NBPF12: variants seen among roughly 807,000 people sequenced by gnomAD.
NBPF12 encodes the protein NBPF member 12, also known as NBPF family member NBPF12.
Under a neutral mutation model 146.4 loss-of-function variants are expected in NBPF12, and 115 were observed. That is an observed-to-expected ratio of 0.79 (90% CI 0.68 to 0.92). NBPF12 has a LOEUF of 0.92. NBPF12 is among the 40% of genes least tolerant of loss of function. The pLI is 0.00. For synonymous variants in NBPF12, 385 were observed against 508.9 expected (o/e 0.76, Z 3.28); for missense variants, 1,205 against 1,326.8 (o/e 0.91, Z 1.43).
At position 146,985,480 on chromosome 1, in the gene NBPF12, G is replaced by A. The variant is rs1657696286; in HGVS notation, c.2840-225G>A. ...GCACAAACTTGGGAGAAATGATATT[G>A]GGATAACGATCTACCAGAATAGGGA... On this transcript the variant is annotated intron_variant, in intron 22 of 33. Transcript: ENST00000617844. 2.0e-5 allele frequency among the ~76,000 whole-genome samples: 3 copies of A among 151,960 alleles called. No individual in the cohort carries two copies. In the South Asian group the frequency reaches 6.3e-4, roughly 32 times the overall value.
At chr1:146,952,363 C>A (rs1244870157) in intron 2 of NBPF12, among the ~76,000 whole-genome samples, 1 of 152,074 alleles carries the variant, frequency 6.6e-6, no homozygotes, top group Non-Finnish European at 1.5e-5. Context: ...TCTCTTGCAT[C>A]GTCCCTCAGC....
exon 34 of NBPF12, chr1:146,994,480 A>C (rs1553890080): frequency 6.2e-7 from 1 of 1,607,544 alleles, no homozygotes; most frequent in East Asian, 2.2e-5. Flanking sequence ...GGAACAGCAC[A>C]TCACCTTTGC....
At chr1:146,954,843 C>A (rs1293900292) in intron 2 of NBPF12, among the ~76,000 whole-genome samples, 14 of 146,646 alleles carry the variant, frequency 9.5e-5, no homozygotes, top group South Asian at 4.3e-4. Flanking sequence ...ACATGTATGT[C>A]TAATTGATTC....
Position 146,961,537 on chromosome 1 carries a change from A to T in NBPF12, c.176-624A>T, listed in dbSNP as rs1270084705. Among the ~76,000 whole-genome samples, 37 of 152,050 alleles carry T rather than the reference A, an allele frequency of 2.4e-4. 1 individual carries two copies. In the East Asian group the frequency reaches 3.1e-3, roughly 13 times the overall value. On this transcript the variant is annotated intron_variant, in intron 4 of 33. Transcript: ENST00000617844. ...CTAAATTAACACAAACTAATCTTAT[A>T]CTGTTTCTAAATTAACACAACTAAT... is the stretch of plus-strand genomic sequence containing the variant.
At chr1:146,976,272 C>G (rs1440086022) in intron 16 of NBPF12, among the ~76,000 whole-genome samples, 3 of 151,054 alleles carry the variant, frequency 2.0e-5, no homozygotes, top group African/African-American at 7.4e-5. Flanking sequence ...GAGTGAATGA[C>G]TTGTCCTTCC....
chr1:146,963,384 T>A, intron 6 of NBPF12, 75 bp downstream of exon 9: 1 of 1,593,576 alleles, frequency 6.3e-7, no homozygotes, highest in Non-Finnish European at 8.6e-7. Context: ...ACTTTCATGA[T>A]GACAGTTGTA....
intron 16 of NBPF12, among the ~76,000 whole-genome samples, chr1:146,976,597 C>T (rs1455626109): frequency 3.3e-5 from 5 of 149,332 alleles, no homozygotes; most frequent in African/African-American, 1.3e-4. Flanking sequence ...TGTGACAGGA[C>T]ACCAAGCCTG....
chr1:146,940,909 G>T (rs1654769728), intron 1 of NBPF12, among the ~76,000 whole-genome samples: 1 of 151,874 alleles, frequency 6.6e-6, no homozygotes, highest in Admixed American at 6.6e-5. Context: ...CTTTCATGAA[G>T]TGCCTGTTAA....
At chr1:146,978,064 C>G (rs1219643286) in intron 18 of NBPF12, among the ~76,000 whole-genome samples, 2 of 151,518 alleles carry the variant, frequency 1.3e-5, no homozygotes, top group Non-Finnish European at 2.9e-5. Context: ...AAACATTGTT[C>G]CCCAGGCTTC....
chr1:146,971,289 A>T lies in NBPF12; in HGVS notation c.1486A>T (p.Lys496Ter). 1 of 1,612,310 alleles carries T rather than the reference A, an allele frequency of 6.2e-7. No individual in the cohort carries two copies. The highest frequency in any genetic ancestry group is 1.1e-5 in the South Asian group (1 of 91,026). Residue 496 changes from lysine (K) to a stop codon, truncating the protein, a stop_gained, in exon 13 of 34, where the codon AAG (lysine) becomes TAG (stop). Transcript: ENST00000617844. LOFTEE classifies it high-confidence loss of function. Reference sequence around the variant, plus strand: ...CCCTTGTGACTCCAACCAGCCTCACAAGAACATCAAAATCACATTTGAGGA... The same window carrying T: ...CCCTTGTGACTCCAACCAGCCTCACTAGAACATCAAAATCACATTTGAGGA...
chr1:146,964,799 C>T (rs1263057120), intron 7 of NBPF12, 94 bp from the exon 11 acceptor site: 4 of 1,593,630 alleles, frequency 2.5e-6, no homozygotes, highest in Admixed American at 3.3e-5. Context: ...GGACCACTCT[C>T]TTAATGCCGC....
intron 8 of NBPF12, among the ~76,000 whole-genome samples, chr1:146,966,031 C>T (rs1553885601): frequency 0.11 from 16,764 of 151,338 alleles, 947 homozygotes; most frequent in East Asian, 0.21. Context: ...CGCTTGAACC[C>T]GGGAGGCAGA....
rs1411705486 is a variant in NBPF12, at chr1:146,964,945, T to C, written c.619T>C (p.Cys207Arg). 8.1e-6 allele frequency: 13 copies of C among 1,608,356 alleles called. No individual in the cohort carries two copies. In the Middle Eastern group the frequency reaches 1.5e-3, roughly 185 times the overall value. ...AGTCCCTGAGGACTCACTGGAGGAATGTGCCATCACTTGTTCAAATAGCCA... is the reference window on the plus strand; with the variant it reads ...AGTCCCTGAGGACTCACTGGAGGAACGTGCCATCACTTGTTCAAATAGCCA... The change falls in exon 8 of 34, where the codon TGT becomes CGT. Residue 207 changes from cysteine to arginine, a missense_variant. By Grantham distance (180) the Cys-to-Arg change is radical. Transcript: ENST00000617844.
exon 34 of NBPF12, chr1:146,995,545 A>G (rs1658490875): frequency 6.6e-6 from 1 of 151,812 alleles, no homozygotes; most frequent in African/African-American, 2.4e-5. Flanking sequence ...TGTTGTTGTC[A>G]TTGATGGTGG....
chr1:146,972,715 T>C, intron 13 of NBPF12, 36 bp from the exon 17 acceptor site: 1 of 1,382,814 alleles, frequency 7.2e-7, no homozygotes, highest in South Asian at 1.2e-5. Flanking sequence ...TTCATCAGTT[T>C]TTAACCCATC....
upstream of NBPF12, among the ~76,000 whole-genome samples, chr1:146,945,668 A>G (rs1307234868): frequency 3.3e-5 from 5 of 151,470 alleles, no homozygotes; most frequent in Admixed American, 1.3e-4. Context: ...GGTTTACAGA[A>G]AAATGGAGTA....
exon 34 of NBPF12, chr1:146,994,824 T>A (rs1330076099): frequency 9.4e-6 from 7 of 746,594 alleles, no homozygotes; most frequent in Non-Finnish European, 1.4e-5. Flanking sequence ...CCGGACATTT[T>A]AATTTGAACC....
chr1:146,938,483 G>C (rs1419684861), upstream of NBPF12, among the ~76,000 whole-genome samples: 1 of 152,158 alleles, frequency 6.6e-6, no homozygotes, highest in African/African-American at 2.4e-5. Context: ...AAGGGCTGGT[G>C]CTTTGAAAGA....
chr1:146,964,584 C>G (rs1291142258), intron 7 of NBPF12, among the ~76,000 whole-genome samples, 155 bp downstream of exon 10: 1 of 151,874 alleles, frequency 6.6e-6, no homozygotes, highest in East Asian at 1.9e-4. Context: ...GGTGCGACAG[C>G]TGTCATGTTT....
Sources: allele counts gnomAD v4.1 joint callset (sites outside exome capture counted in the v4.1 genomes callset), GRCh38; gene constraint gnomAD v4.1.1; transcripts MANE v1.5; gene names NCBI Gene and HGNC (gene_info 2026-07-23, HGNC 2026-07-21).